DAB1: variants seen among roughly 807,000 people sequenced by gnomAD.
DAB1 encodes disabled homolog 1.
In DAB1, 15 loss-of-function variants were observed where a neutral mutation model predicts 64.6. The observed-to-expected ratio is 0.23, with a 90% CI of 0.16 to 0.36. DAB1 has a LOEUF of 0.36. DAB1 is among the 10% of genes least tolerant of loss of function. DAB1 has a pLI of 1.00. For missense variants in DAB1, 596 were observed against 706.7 expected (o/e 0.84, Z 1.78); for synonymous variants, 235 against 251.9 (o/e 0.93, Z 0.64).
intron 5 of DAB1, among the ~76,000 whole-genome samples, chr1:58,139,616 C>T (rs1015682395): frequency 6.7e-6 from 1 of 149,874 alleles, no homozygotes; most frequent in Non-Finnish European, 1.5e-5. Context: ...ATGGGAACTA[C>T]AATTTAAGGT....
chr1:58,188,312 G>T lies in DAB1; in HGVS notation n.310-37724C>A, dbSNP rs1243409528. On this transcript the variant is annotated intron_variant and non_coding_transcript_variant, in intron 4 of 20. Transcript: ENST00000485760. ...CAAAGCCTAAAATATTTGCTATTTGGTTCTTTACAGAAAATGTTTGATAGA... is the reference window on the plus strand; with the variant it reads ...CAAAGCCTAAAATATTTGCTATTTGTTTCTTTACAGAAAATGTTTGATAGA... Among the ~76,000 whole-genome samples the T allele has an allele frequency of 2.0e-5, 3 of 152,218 alleles. No homozygotes were observed. The East Asian group carries it at 5.8e-4, about 29-fold the overall frequency.
chr1:57,608,394 AAGAGAG>A (rs565399713), intron 7 of DAB1, among the ~76,000 whole-genome samples: 10 of 150,768 alleles, frequency 6.6e-5, no homozygotes, highest in African/African-American at 2.2e-4. Context: ...ATATTAAAAA[AAGAGAG>A]AGAGAGAGAG....
chr1:57,924,270 T>C (rs1644848632), intron 5 of DAB1, among the ~76,000 whole-genome samples: 1 of 152,186 alleles, frequency 6.6e-6, no homozygotes, highest in Non-Finnish European at 1.5e-5. Context: ...AACTTGAAAC[T>C]TATAACATTT....
intron 5 of DAB1, among the ~76,000 whole-genome samples, chr1:57,936,477 C>T (rs1429745165): frequency 5.9e-5 from 9 of 152,266 alleles, no homozygotes; most frequent in Non-Finnish European, 1.2e-4. Flanking sequence ...CTGAAAACTC[C>T]GCCTGCTGGG....
chr1:57,144,434 G>A (rs980532387), intron 3 of DAB1, among the ~76,000 whole-genome samples: 39 of 151,974 alleles, frequency 2.6e-4, no homozygotes, highest in African/African-American at 7.7e-4. Context: ...AGTGGCTCAC[G>A]CCTGTAATCC....
intron 4 of DAB1, among the ~76,000 whole-genome samples, chr1:58,165,372 A>G (rs1031373648): frequency 8.5e-5 from 13 of 152,254 alleles, no homozygotes; most frequent in African/African-American, 2.9e-4. Flanking sequence ...ACCTCTCTCC[A>G]TCTGTTTGCC....
At chr1:57,196,473 A>G (rs944761474) in intron 2 of DAB1, among the ~76,000 whole-genome samples, 1 of 152,218 alleles carries the variant, frequency 6.6e-6, no homozygotes, top group African/African-American at 2.4e-5. Context: ...CAGGAAGATT[A>G]GCAAACATGA....
At chr1:58,473,971 G>A in intron 3 of DAB1, 3 of 1,273,086 alleles carry the variant, frequency 2.4e-6, no homozygotes, top group Non-Finnish European at 3.1e-6. Context: ...CGGACAAGCT[G>A]TCACATGCAC....
At chr1:58,043,264 AG>A (rs2100509210) in intron 5 of DAB1, among the ~76,000 whole-genome samples, 1 of 152,326 alleles carries the variant, frequency 6.6e-6, no homozygotes, top group South Asian at 2.1e-4. Context: ...TCAACATGAA[AG>A]GTACATCACA....
chr1:57,481,100 C>T (rs1358021669), intron 7 of DAB1, among the ~76,000 whole-genome samples: 1 of 152,130 alleles, frequency 6.6e-6, no homozygotes, highest in Non-Finnish European at 1.5e-5. Flanking sequence ...TAGTGGCTCC[C>T]TAGTTTTGCT....
At chr1:57,842,930 G>A (rs58535601) in intron 1 of DAB1, among the ~76,000 whole-genome samples, 3,492 of 152,268 alleles carry the variant, frequency 0.023, 150 homozygotes, top group African/African-American at 0.08. Context: ...ATAATCAAGT[G>A]TTGAATATCT....
intron 4 of DAB1, among the ~76,000 whole-genome samples, chr1:58,160,189 AG>A (rs1473714349): frequency 2.0e-5 from 3 of 152,096 alleles, no homozygotes; most frequent in Admixed American, 2.0e-4. Flanking sequence ...CAGGTAGGCC[AG>A]GGGGTAAGGA....
intron 2 of DAB1, among the ~76,000 whole-genome samples, chr1:57,246,262 C>T (rs1430301275): frequency 2.0e-5 from 3 of 151,868 alleles, no homozygotes; most frequent in East Asian, 1.9e-4. Context: ...ACCTACCACC[C>T]GCTGCCCCCT....
intron 1 of DAB1, among the ~76,000 whole-genome samples, chr1:57,349,858 G>A (rs1445921963): frequency 6.6e-6 from 1 of 152,150 alleles, no homozygotes; most frequent in Non-Finnish European, 1.5e-5. Context: ...CTAAAATACT[G>A]ATTGTAGCCT....
chr1:57,441,282 C>G (rs1216498074), intron 7 of DAB1, among the ~76,000 whole-genome samples: 8 of 37,014 alleles, frequency 2.2e-4, no homozygotes, highest in African/African-American at 4.9e-4. Context: ...CTCTTTCTTT[C>G]TTTCTTTCTT....
chr1:57,578,002 G>A (rs1428376700), intron 7 of DAB1, among the ~76,000 whole-genome samples: 1 of 152,186 alleles, frequency 6.6e-6, no homozygotes, highest in African/African-American at 2.4e-5. Context: ...GTCAACAGAG[G>A]TGCCACCTCC....
chr1:57,062,981 T>C (rs1158203964), intron 8 of DAB1, 38 bp from the exon 9 acceptor site: 7 of 1,575,766 alleles, frequency 4.4e-6, no homozygotes, highest in South Asian at 1.1e-5. Flanking sequence ...CAAAACACTC[T>C]GGTACTCCAA....
intron 4 of DAB1, among the ~76,000 whole-genome samples, chr1:58,333,843 T>C (rs765201508): frequency 6.6e-6 from 1 of 152,338 alleles, no homozygotes; most frequent in South Asian, 2.1e-4. Flanking sequence ...AGAAATAATA[T>C]TGTCAATCCA....
At chr1:57,338,583 C>T (rs1677293740) in intron 1 of DAB1, among the ~76,000 whole-genome samples, 1 of 152,094 alleles carries the variant, frequency 6.6e-6, no homozygotes, top group African/African-American at 2.4e-5. Flanking sequence ...AAGCTGATAT[C>T]AAATATAACC....
Sources: allele counts gnomAD v4.1 joint callset (sites outside exome capture counted in the v4.1 genomes callset), GRCh38; gene constraint gnomAD v4.1.1; transcripts MANE v1.5; gene names NCBI Gene and HGNC (gene_info 2026-07-23, HGNC 2026-07-21).